Variants in PCED1B observed in about 807,000 individuals in gnomAD.
PCED1B encodes PC-esterase domain-containing protein 1B.
For missense variants in PCED1B, 573 were observed against 573.9 expected (o/e 1.00, Z 0.02); for synonymous variants, 251 against 246.1 (o/e 1.02, Z -0.19).
At chr12:47,160,304 T>C (rs1255495645) in intron 2 of PCED1B, among the ~76,000 whole-genome samples, 1 of 132,924 alleles carries the variant, frequency 7.5e-6, no homozygotes, top group Non-Finnish European at 1.6e-5. Flanking sequence ...TTTTTTTTTT[T>C]TTTTTTTTTT....
intron 2 of PCED1B, among the ~76,000 whole-genome samples, chr12:47,139,309 A>G (rs1316358318): frequency 6.6e-6 from 1 of 152,236 alleles, no homozygotes; most frequent in Non-Finnish European, 1.5e-5. Context: ...AGCTAAGGCC[A>G]GTCAGGACAG....
chr12:47,224,531 CTG>C (rs1169282924), intron 3 of PCED1B, among the ~76,000 whole-genome samples: 1 of 152,178 alleles, frequency 6.6e-6, no homozygotes, highest in African/African-American at 2.4e-5. Flanking sequence ...CAAATACAAA[CTG>C]AATATACCCA....
chr12:47,171,897 C>CTCTTCT (rs1565581232), intron 2 of PCED1B, among the ~76,000 whole-genome samples: 4 of 138,610 alleles, frequency 2.9e-5, no homozygotes, highest in East Asian at 2.1e-4. Context: ...CTTCTTCTTC[C>CTCTTCT]TCTTCTTCCT....
intron 2 of PCED1B, among the ~76,000 whole-genome samples, chr12:47,212,860 C>T (rs1280579249): frequency 2.0e-5 from 3 of 152,330 alleles, no homozygotes; most frequent in South Asian, 2.1e-4. Flanking sequence ...CAAAGTCACA[C>T]AGCTTGTGGA....
intron 2 of PCED1B, among the ~76,000 whole-genome samples, chr12:47,128,452 G>A (rs1939987704): frequency 6.6e-6 from 1 of 152,148 alleles, no homozygotes. Context: ...CAGCTGAAGT[G>A]TTAAGGTGTC....
At chr12:47,137,155 T>G (rs922779595) in intron 2 of PCED1B, among the ~76,000 whole-genome samples, 8 of 152,224 alleles carry the variant, frequency 5.3e-5, no homozygotes, top group Admixed American at 2.0e-4. Context: ...TTGTGAAAGG[T>G]TCTGGTACTG....
At chr12:47,171,629 AT>A (rs1354284701) in intron 2 of PCED1B, among the ~76,000 whole-genome samples, 10 of 152,236 alleles carry the variant, frequency 6.6e-5, no homozygotes, top group Non-Finnish European at 1.5e-4. Context: ...TTTTCTATGA[AT>A]TCTTGCATAG....
intron 2 of PCED1B, among the ~76,000 whole-genome samples, chr12:47,130,004 T>C (rs1940056913): frequency 6.6e-6 from 1 of 152,220 alleles, no homozygotes; most frequent in South Asian, 2.1e-4. Flanking sequence ...AGACTCTGAC[T>C]TCCTTGTTCC....
At chr12:47,217,667 C>G (rs1297501286) in intron 3 of PCED1B, among the ~76,000 whole-genome samples, 1 of 152,104 alleles carries the variant, frequency 6.6e-6, no homozygotes, top group Non-Finnish European at 1.5e-5. Flanking sequence ...ACCTCCGCCT[C>G]CCAAGTTCAA....
At chr12:47,160,665 A>T (rs554591456) in intron 2 of PCED1B, among the ~76,000 whole-genome samples, 2 of 152,042 alleles carry the variant, frequency 1.3e-5, no homozygotes, top group African/African-American at 4.8e-5. Flanking sequence ...CAATGTTTTG[A>T]TGCTATTTTC....
At chr12:47,098,440 G>A (rs1163260418) in intron 1 of PCED1B, among the ~76,000 whole-genome samples, 1 of 152,126 alleles carries the variant, frequency 6.6e-6, no homozygotes, top group African/African-American at 2.4e-5. Context: ...AAAGCAAAGA[G>A]TATGCAACAC....
At chr12:47,086,879 G>A (rs994843813) in intron 1 of PCED1B, among the ~76,000 whole-genome samples, 4 of 152,106 alleles carry the variant, frequency 2.6e-5, no homozygotes, top group East Asian at 1.9e-4. Flanking sequence ...TAAAAAATTG[G>A]ATTTCCTGTA....
intron 2 of PCED1B, among the ~76,000 whole-genome samples, chr12:47,211,836 G>A (rs1943094697): frequency 6.7e-6 from 1 of 150,314 alleles, no homozygotes; most frequent in Non-Finnish European, 1.5e-5. Context: ...AGCACTTTGG[G>A]AGGCCGAGGC....
chr12:47,097,948 C>T (rs1037488449), intron 1 of PCED1B, among the ~76,000 whole-genome samples: 13 of 152,166 alleles, frequency 8.5e-5, no homozygotes, highest in African/African-American at 3.1e-4. Context: ...TATCCATGCT[C>T]CAAAGACTAT....
chr12:47,184,956 G>A (rs1371399341), intron 2 of PCED1B, among the ~76,000 whole-genome samples: 2 of 152,212 alleles, frequency 1.3e-5, no homozygotes, highest in East Asian at 1.9e-4. Flanking sequence ...GTCTAGAGGT[G>A]AGTGGTTGCT....
chr12:47,205,896 T>G (rs1942897512), intron 2 of PCED1B: 1 of 152,212 alleles, frequency 6.6e-6, no homozygotes, highest in African/African-American at 2.4e-5. Context: ...CAGAGCCAAC[T>G]GTGCAGGAGA....
rs1249290518 is a variant in PCED1B, at chr12:47,134,577, A to T, written c.-526+30382A>T. ...TCACCTCAAAGAAAATTGCTATTTA[A>T]CAAAGTCTTAGGTCTGGTGCAGTGG... is the stretch of plus-strand genomic sequence containing the variant. On this transcript the variant is annotated intron_variant, in intron 2 of 3. Coordinates refer to ENST00000546455, the MANE Select transcript of PCED1B (RefSeq NM_138371.3). 3.9e-5 allele frequency among the ~76,000 whole-genome samples: 6 copies of T among 152,214 alleles called. No individual in the cohort carries two copies. The South Asian group carries it at 8.3e-4, about 21-fold the overall frequency.
At chr12:47,179,876 G>A (rs1018265094) in intron 2 of PCED1B, among the ~76,000 whole-genome samples, 15 of 152,024 alleles carry the variant, frequency 9.9e-5, no homozygotes, top group African/African-American at 3.6e-4. Context: ...ATATCAATAT[G>A]TCAGTGTCAT....
At chr12:47,140,569 C>T (rs2137404948) in intron 2 of PCED1B, among the ~76,000 whole-genome samples, 1 of 152,310 alleles carries the variant, frequency 6.6e-6, no homozygotes, top group South Asian at 2.1e-4. Context: ...AGATGATATA[C>T]TGTCTCCATT....
Sources: gnomAD v4.1 joint callset for allele counts (sites outside exome capture counted in the v4.1 genomes callset) on GRCh38, gnomAD v4.1.1 for gene constraint, MANE v1.5 for transcripts, NCBI Gene and HGNC (gene_info 2026-07-23, HGNC 2026-07-21) for gene names.